The following HDGF variants were observed in gnomAD, a reference collection of about 807,000 sequenced individuals.
HDGF encodes hepatoma-derived growth factor.
HDGF carries 5 observed loss-of-function variants against 30.0 expected under a neutral mutation model. The observed-to-expected ratio is 0.17, with a 90% CI of 0.09 to 0.35. HDGF has a LOEUF of 0.35. HDGF is among the 10% of genes least tolerant of loss of function. The pLI, the probability that HDGF is intolerant of heterozygous loss-of-function variation, is 1.00. For missense variants in HDGF, 214 were observed against 302.8 expected (o/e 0.71, Z 2.18); for synonymous variants, 133 against 112.7 (o/e 1.18, Z -1.14).
chr1:156,743,864 A>T lies in HDGF; in HGVS notation c.504T>A (p.Arg168=), dbSNP rs751335436. Residue 168 remains arginine, a synonymous_variant, in exon 5 of 6, where the codon CGT becomes CGA. Transcript: ENST00000357325. ...AGDLLEDSPK[R]PKEAENPEGE... ...CTTCAGGGTTTTCTGCCTCCTTGGG[A>T]CGTTTAGGAGAGTCCTAGGCAGGAT... The T allele has an allele frequency of 1.2e-5, 19 of 1,613,130 alleles. No homozygotes were observed. The South Asian group carries it at 2.1e-4, about 18-fold the overall frequency.
rs1010613861 is a variant in HDGF, at chr1:156,751,296, A to T, written c.87+47T>A. On this transcript the variant is annotated intron_variant, in intron 1 of 5. Coordinates refer to ENST00000357325, the MANE Select transcript of HDGF (RefSeq NM_004494.3). This position sits in a 1 kb window ranked among gnomAD's most constrained non-coding sequence, Gnocchi z 4.7. ...GCTCGTGCCCTTCCCGGTGTTATGC[A>T]ACCCAAGCCCGCAGGGGGTTAGGGG... 6.9e-6 allele frequency: 11 copies of T among 1,585,854 alleles called. No individual in the cohort carries two copies. The highest frequency in any genetic ancestry group is 9.4e-6 in the Non-Finnish European group (11 of 1,164,968).
At chr1:156,748,074 G>C (rs1650713162) in intron 1 of HDGF, among the ~76,000 whole-genome samples, 1 of 152,154 alleles carries the variant, frequency 6.6e-6, no homozygotes, top group Non-Finnish European at 1.5e-5. Flanking sequence ...AGGGAAGAGA[G>C]AGGAAGACAG....
rs1650206162 is a variant in HDGF, at chr1:156,742,609, T to C, written c.*840A>G. On this transcript the variant is annotated 3_prime_UTR_variant, in exon 6 of 6. Transcript: ENST00000357325. Reference sequence around the variant, plus strand: ...TATGTCTGGGTGATATATATGACTATAAGCTGGCCTTGAGCACTGTGTGGA... The same window carrying C: ...TATGTCTGGGTGATATATATGACTACAAGCTGGCCTTGAGCACTGTGTGGA... The C allele has an allele frequency of 6.5e-6, 1 of 152,906 alleles. No individual in the cohort carries two copies. Among genetic ancestry groups the C allele is most frequent in the Admixed American group, 6.5e-5 (1 of 15,288 alleles). 9.5% of individuals were successfully genotyped at this position (152,906 alleles called of 1,614,324 possible).
At chr1:156,758,065 A>G (rs1399870594) in intron 2 of HDGF, among the ~76,000 whole-genome samples, 2 of 152,094 alleles carry the variant, frequency 1.3e-5, no homozygotes, top group African/African-American at 4.8e-5. Flanking sequence ...TGGGAGGCTG[A>G]GGTGGGTGGA....
At chr1:156,758,604 T>A (rs6427330) in intron 2 of HDGF, among the ~76,000 whole-genome samples, 4,695 of 96,246 alleles carry the variant, frequency 0.049, 652 homozygotes, top group African/African-American at 0.16. Context: ...AAAAAAAAAA[T>A]AAATAAATAA....
At chr1:156,752,458 CG>C, upstream of HDGF, 1 of 1,159,104 alleles carries the variant, frequency 8.6e-7, no homozygotes, top group Non-Finnish European at 1.2e-6. Flanking sequence ...TAGTCGGTTA[CG>C]GTAGAATGCC....
At chr1:156,747,056 A>G (rs963497368) in intron 1 of HDGF, among the ~76,000 whole-genome samples, 41 of 152,042 alleles carry the variant, frequency 2.7e-4, no homozygotes, top group Admixed American at 2.6e-3. Flanking sequence ...ACAGAGGTCC[A>G]GCCCTTCCCC....
chr1:156,749,866 G>C (rs1315766073), intron 1 of HDGF, among the ~76,000 whole-genome samples: 2 of 152,202 alleles, frequency 1.3e-5, no homozygotes, highest in Non-Finnish European at 2.9e-5. Context: ...GTAGAGACCT[G>C]GGTTCAGTTC....
intron 1 of HDGF, among the ~76,000 whole-genome samples, chr1:156,749,587 C>T (rs1405249275): frequency 6.6e-6 from 1 of 152,202 alleles, no homozygotes; most frequent in Non-Finnish European, 1.5e-5. Context: ...AACGCTGCCT[C>T]CCCTGTCCTT....
chr1:156,762,395 T>C (rs573251034), intron 1 of HDGF, among the ~76,000 whole-genome samples: 1 of 152,010 alleles, frequency 6.6e-6, no homozygotes, highest in African/African-American at 2.4e-5. Context: ...AGCGAGACCT[T>C]GTCTCTACTA....
At chr1:156,765,769 G>A (rs11264541) in intron 1 of HDGF, among the ~76,000 whole-genome samples, 2 of 151,982 alleles carry the variant, frequency 1.3e-5, no homozygotes, top group Non-Finnish European at 2.9e-5. Context: ...CACCACACCC[G>A]GCCTACTTTA....
chr1:156,764,993 C>T (rs1263954864), intron 1 of HDGF, among the ~76,000 whole-genome samples: 1 of 151,934 alleles, frequency 6.6e-6, no homozygotes, highest in Non-Finnish European at 1.5e-5. Context: ...CAAGGACAAT[C>T]ATTTCTCTTA....
At chr1:156,765,604 AG>A (rs1363788662) in intron 1 of HDGF, among the ~76,000 whole-genome samples, 32 of 147,816 alleles carry the variant, frequency 2.2e-4, no homozygotes, top group African/African-American at 7.3e-4. Flanking sequence ...CCTCACGAGT[AG>A]CTGAGCTTAC....
intron 1 of HDGF, among the ~76,000 whole-genome samples, chr1:156,746,188 G>A (rs1333486571): frequency 6.6e-6 from 1 of 152,188 alleles, no homozygotes; most frequent in Admixed American, 6.5e-5. Context: ...TGCTTTCCCA[G>A]TTCTAATTTT....
At chr1:156,759,643 G>A (rs999167350) in intron 1 of HDGF, among the ~76,000 whole-genome samples, 2 of 151,900 alleles carry the variant, frequency 1.3e-5, no homozygotes, top group Non-Finnish European at 2.9e-5. Flanking sequence ...CACCATGCCC[G>A]GCTCATTTTT....
At chr1:156,765,987 A>C (rs750712315) in intron 1 of HDGF, among the ~76,000 whole-genome samples, 1 of 152,240 alleles carries the variant, frequency 6.6e-6, no homozygotes, top group African/African-American at 2.4e-5. Flanking sequence ...AGTTTCTTAC[A>C]GATCCAGGCT....
intron 5 of HDGF, 96 bp downstream of exon 5, chr1:156,743,556 C>T (rs1571538191): frequency 5.7e-6 from 9 of 1,572,204 alleles, no homozygotes; most frequent in East Asian, 2.2e-5. Flanking sequence ...CCCTGCCTCC[C>T]GAGAGGCTGA....
intron 1 of HDGF, among the ~76,000 whole-genome samples, chr1:156,745,870 T>G (rs972815697): frequency 6.6e-6 from 1 of 152,186 alleles, no homozygotes; most frequent in Non-Finnish European, 1.5e-5. Context: ...TTACTGAACA[T>G]CTCTCTGCCT....
upstream of HDGF, chr1:156,752,475 A>T: frequency 1.1e-6 from 1 of 935,996 alleles, no homozygotes; most frequent in Non-Finnish European, 1.6e-6. Flanking sequence ...ATGCCAATAA[A>T]CCCAACCCCT....
Sources: gnomAD v4.1 joint callset for allele counts (sites outside exome capture counted in the v4.1 genomes callset) on GRCh38, gnomAD v4.1.1 for gene constraint, Gnocchi (gnomAD v3.1) non-coding constraint, MANE v1.5 for transcripts, NCBI Gene and HGNC (gene_info 2026-07-23, HGNC 2026-07-21) for gene names.